DERA: variants seen among roughly 807,000 people sequenced by gnomAD.
DERA encodes the protein deoxyribose-phosphate aldolase, also known as 2-deoxy-D-ribose 5-phosphate aldolase.
Under a neutral mutation model 41.1 loss-of-function variants are expected in DERA, and 15 were observed. The ratio of observed to expected loss-of-function variants is 0.37; its 90% CI spans 0.24 to 0.56. DERA has a LOEUF of 0.56. Among genes scored for constraint, DERA ranks in the 20% least tolerant of loss-of-function variants. DERA has a pLI of 0.81. For missense variants in DERA, 396 were observed against 403.4 expected, an observed-to-expected ratio of 0.98 and a Z score of 0.16; for synonymous variants, 139 against 137.4, an observed-to-expected ratio of 1.01 and a Z score of -0.08.
At chr12:15,912,112 T>C (rs7962494) in intron 1 of DERA, among the ~76,000 whole-genome samples, 1 of 151,634 alleles carries the variant, frequency 6.6e-6, no homozygotes, top group Non-Finnish European at 1.5e-5. Context: ...GAAGGTCAGC[T>C]GATAAACAAG....
chr12:15,973,642 G>A (rs1032350369), intron 5 of DERA, among the ~76,000 whole-genome samples: 2 of 152,104 alleles, frequency 1.3e-5, no homozygotes, highest in Admixed American at 6.5e-5. Context: ...GGAACCTTAA[G>A]TATCCAATAA....
chr12:16,015,422 C>T (rs1384510377), intron 6 of DERA, among the ~76,000 whole-genome samples: 2 of 152,204 alleles, frequency 1.3e-5, no homozygotes, highest in African/African-American at 4.8e-5. Flanking sequence ...TGGCTCGTTA[C>T]CCCTTCACTT....
intron 1 of DERA, among the ~76,000 whole-genome samples, chr12:15,923,105 C>T (rs964270528): frequency 2.1e-5 from 3 of 144,850 alleles, no homozygotes; most frequent in Non-Finnish European, 3.0e-5. Flanking sequence ...TCACTGCAAG[C>T]TCCGCCTCCC....
Position 16,010,314 on chromosome 12 carries a change from C to A in DERA, c.638-22228C>A, listed in dbSNP as rs1316285003. ...TCTAGGTCAGGACCATTCTTCCTGC[C>A]CCCTTCACAACCTTCTCCTTGCTTT... On this transcript the variant is annotated intron_variant, in intron 6 of 8. Coordinates refer to ENST00000428559, the MANE Select transcript of DERA (RefSeq NM_015954.4). The surrounding 1 kb of genome is among the most constrained non-coding windows in gnomAD (Gnocchi z 5.5). Among the ~76,000 whole-genome samples, 1 of 152,108 alleles carries A rather than the reference C, an allele frequency of 6.6e-6. No individual in the cohort carries two copies. Among genetic ancestry groups the A allele is most frequent in the Admixed American group, 6.6e-5 (1 of 15,264 alleles).
rs1245796684 is a variant in DERA at position 15,992,645 on chromosome 12, A to G, written c.637+10209A>G. ...AAGAGAGCTATACTTTTTTCCTTGA[A>G]CAATCCAAGAACAAGATGATAGGAC... is the stretch of plus-strand genomic sequence containing the variant. On this transcript the variant is annotated intron_variant, in intron 6 of 8. Transcript: ENST00000428559. The surrounding 1 kb of genome is among the most constrained non-coding windows in gnomAD (Gnocchi z 4.3). 1.3e-5 allele frequency among the ~76,000 whole-genome samples: 2 copies of G among 152,160 alleles called. No homozygotes were observed. The highest frequency in any genetic ancestry group is 2.9e-5 in the Non-Finnish European group (2 of 67,992).
At chr12:16,029,594 C>T (rs1331222010) in intron 6 of DERA, among the ~76,000 whole-genome samples, 2 of 151,910 alleles carry the variant, frequency 1.3e-5, no homozygotes, top group Non-Finnish European at 2.9e-5. Context: ...TAGCTGTGTC[C>T]ATCCATCTAG....
rs1027348359 is a variant in DERA at position 16,019,116 on chromosome 12, C to T, written c.638-13426C>T. 3.3e-5 allele frequency among the ~76,000 whole-genome samples: 5 copies of T among 152,124 alleles called. No individual in the cohort carries two copies. The highest frequency in any genetic ancestry group is 2.1e-4 in the South Asian group (1 of 4,820). ...AGCATTTATTTCTCTAAAGTAATTT[C>T]GTTTTAGCAGAAGGGCAAAGGAAGC... On this transcript the variant is annotated intron_variant, in intron 6 of 8. Coordinates refer to ENST00000428559, the MANE Select transcript of DERA (RefSeq NM_015954.4). This position sits in a 1 kb window ranked among gnomAD's most constrained non-coding sequence, Gnocchi z 4.4.
At position 15,998,826 on chromosome 12, in the gene DERA, G is replaced by A. The variant is rs1425092573; in HGVS notation, c.637+16390G>A. 6.6e-6 allele frequency among the ~76,000 whole-genome samples: 1 copy of A among 152,130 alleles called. No individual in the cohort carries two copies. The highest frequency in any genetic ancestry group is 1.5e-5 in the Non-Finnish European group (1 of 68,020). On this transcript the variant is annotated intron_variant, in intron 6 of 8. Coordinates refer to ENST00000428559, the MANE Select transcript of DERA (RefSeq NM_015954.4). The surrounding 1 kb of genome is among the most constrained non-coding windows in gnomAD (Gnocchi z 4.8). ...TTGTACATTGTTGTTTGGTGTCTAG[G>A]CCAGCCCCGAGATTAGCTTACAGAA...
rs181115853 is a variant in DERA at position 16,004,889 on chromosome 12, C to A, written c.637+22453C>A. Among the ~76,000 whole-genome samples the A allele has an allele frequency of 6.6e-6, 1 of 152,162 alleles. No homozygotes were observed. The highest frequency in any genetic ancestry group is 6.5e-5 in the Admixed American group (1 of 15,284). On this transcript the variant is annotated intron_variant, in intron 6 of 8. Coordinates refer to ENST00000428559, the MANE Select transcript of DERA (RefSeq NM_015954.4). The surrounding 1 kb of genome is among the most constrained non-coding windows in gnomAD (Gnocchi z 4.2). The stretch of plus-strand genomic sequence containing the variant: ...TTTCCTAGTTCAAGGAGTTAGAAAA[C>A]TTTTGATAATTTAATGGGATTTATG...
In DERA at chr12:15,941,375, A is replaced by AT. The variant is rs539462703; in HGVS notation, c.32-15551dup. ...AAGGACTTAGCCGTCTGTAGCCACA[A>AT]TTTTTTTTTTAATTTCAATAGTTTT... On this transcript the variant is annotated intron_variant, in intron 1 of 8. Transcript: ENST00000428559. This position sits in a 1 kb window ranked among gnomAD's most constrained non-coding sequence, Gnocchi z 4.5. Among the ~76,000 whole-genome samples, 25 of 150,154 alleles carry AT rather than the reference A, an allele frequency of 1.7e-4. No homozygotes were observed. The highest frequency in any genetic ancestry group is 3.2e-3 in the Middle Eastern group (1 of 310).
rs1948732112 is a variant in DERA at position 15,981,400 on chromosome 12, A to T, written c.509-908A>T. On this transcript the variant is annotated intron_variant, in intron 5 of 8. Coordinates refer to ENST00000428559, the MANE Select transcript of DERA (RefSeq NM_015954.4). This position sits in a 1 kb window ranked among gnomAD's most constrained non-coding sequence, Gnocchi z 6.1. ...ACCTACTTCCTATGAAAGATACTCA[A>T]ATACAAAGGAAAGAAAAAGCCTTGG... Among the ~76,000 whole-genome samples, 1 of 152,132 alleles carries T rather than the reference A, an allele frequency of 6.6e-6. No homozygotes were observed. The highest frequency in any genetic ancestry group is 2.1e-4 in the South Asian group (1 of 4,826).
At chr12:15,971,817 C>T (rs560558614) in intron 5 of DERA, 5 of 207,116 alleles carry the variant, frequency 2.4e-5, no homozygotes, top group Middle Eastern at 5.6e-4. Context: ...TGTACCCAGC[C>T]GGATCTCAAC....
intron 1 of DERA, among the ~76,000 whole-genome samples, chr12:15,937,074 C>T (rs1460037409): frequency 6.6e-6 from 1 of 152,042 alleles, no homozygotes; most frequent in Non-Finnish European, 1.5e-5. Flanking sequence ...CTGGGCTCAG[C>T]CTCCTGTATA....
At chr12:15,955,988 T>G (rs1481171362) in intron 1 of DERA, among the ~76,000 whole-genome samples, 2 of 152,230 alleles carry the variant, frequency 1.3e-5, no homozygotes, top group Non-Finnish European at 2.9e-5. Context: ...TCATGTCCGA[T>G]TTACCGTGAG....
chr12:15,942,701 G>A (rs927563749), intron 1 of DERA, among the ~76,000 whole-genome samples: 2 of 152,128 alleles, frequency 1.3e-5, no homozygotes, highest in African/African-American at 4.8e-5. Context: ...CAGGAGAGTG[G>A]GGAAGAGAGT....
At chr12:15,946,021 G>A (rs1001090247) in intron 1 of DERA, among the ~76,000 whole-genome samples, 1 of 152,164 alleles carries the variant, frequency 6.6e-6, no homozygotes, top group African/African-American at 2.4e-5. Context: ...TTTATATGCT[G>A]GATTACATTT....
At chr12:15,960,618 T>A (rs1333468084) in intron 4 of DERA, among the ~76,000 whole-genome samples, 1 of 102,586 alleles carries the variant, frequency 9.7e-6, no homozygotes, top group Non-Finnish European at 1.7e-5. Context: ...GCTTGGGTGA[T>A]AGACCAAGAC....
intron 1 of DERA, among the ~76,000 whole-genome samples, chr12:15,945,913 C>T (rs1337320563): frequency 6.6e-6 from 1 of 152,080 alleles, no homozygotes; most frequent in African/African-American, 2.4e-5. Flanking sequence ...CCATCAATAC[C>T]TAATTTATTG....
chr12:15,929,141 A>AG (rs1948309371), intron 1 of DERA, among the ~76,000 whole-genome samples: 2 of 152,222 alleles, frequency 1.3e-5, no homozygotes, highest in South Asian at 4.1e-4. Flanking sequence ...ACCAGCATCC[A>AG]GGCCACAGTG....
Sources: gnomAD v4.1 joint callset for allele counts (sites outside exome capture counted in the v4.1 genomes callset) on GRCh38, gnomAD v4.1.1 for gene constraint, Gnocchi (gnomAD v3.1) non-coding constraint, MANE v1.5 for transcripts, NCBI Gene and HGNC (gene_info 2026-07-23, HGNC 2026-07-21) for gene names.